FGF12: variants seen among roughly 807,000 people sequenced by gnomAD.
FGF12 encodes fibroblast growth factor 12.
FGF12 carries 14 observed loss-of-function variants against 23.6 expected under a neutral mutation model. That is an observed-to-expected ratio of 0.59 (90% confidence interval 0.39 to 0.93). The LOEUF is 0.93. Ranked by LOEUF, FGF12 falls within the 40% of genes least tolerant of loss-of-function variation. The probability of loss-of-function intolerance (pLI) is 0.00; values close to 1 mark genes in which losing one functional copy is unlikely to be tolerated. For synonymous variants in FGF12, 62 were observed against 77.3 expected, an observed-to-expected ratio of 0.80 and a Z score of 1.04; for missense variants, 175 against 217.8, an observed-to-expected ratio of 0.80 and a Z score of 1.24.
chr3:192,237,752 G>T (rs1719379527), intron 4 of FGF12, among the ~76,000 whole-genome samples: 1 of 152,132 alleles, frequency 6.6e-6, no homozygotes, highest in Non-Finnish European at 1.5e-5. Context: ...CCGTGTTCTT[G>T]GGATTGGGTT....
At chr3:192,445,347 C>A (rs998134085) in intron 2 of FGF12, among the ~76,000 whole-genome samples, 4 of 152,168 alleles carry the variant, frequency 2.6e-5, no homozygotes, top group African/African-American at 4.8e-5. Context: ...GCACACTGTG[C>A]GCTCCAGTTA....
chr3:192,667,607 TAAAAAAAAAAA>T (rs59867848), intron 2 of FGF12, among the ~76,000 whole-genome samples: 1 of 76,184 alleles, frequency 1.3e-5, no homozygotes, highest in South Asian at 5.6e-4. Flanking sequence ...CGAGACTCCG[TAAAAAAAAAAA>T]AAAAAAAAAA....
rs577731535 is a variant in FGF12 at position 192,291,582 on chromosome 3, T to TA, written c.228+43778dup. 2.2e-3 allele frequency among the ~76,000 whole-genome samples: 336 copies of TA among 150,018 alleles called. 1 individual carries two copies. Among genetic ancestry groups the TA allele is most frequent in the Middle Eastern group, 6.8e-3 (2 of 294 alleles). On this transcript the variant is annotated intron_variant, in intron 4 of 5. Transcript: ENST00000445105. The stretch of plus-strand genomic sequence containing the variant: ...AGGGCAAAAGAACAAAACCCTGTCT[T>TA]AAAAAAAAGAAAAAAAAAAATTACC...
chr3:192,689,641 G>T (rs1717880119), intron 2 of FGF12, among the ~76,000 whole-genome samples: 1 of 151,768 alleles, frequency 6.6e-6, no homozygotes, highest in Admixed American at 6.6e-5. Context: ...AAGAAAAAAA[G>T]GAATGAAAAT....
At chr3:192,470,685 G>A (rs57362523) in intron 2 of FGF12, among the ~76,000 whole-genome samples, 12,471 of 152,140 alleles carry the variant, frequency 0.082, 1,658 homozygotes, top group African/African-American at 0.28. Flanking sequence ...CCCCACACCC[G>A]GCCTAGTAAC....
chr3:192,698,025 C>T (rs1416762457), intron 2 of FGF12, among the ~76,000 whole-genome samples: 2 of 151,894 alleles, frequency 1.3e-5, no homozygotes, highest in Non-Finnish European at 2.9e-5. Flanking sequence ...CAACATCTGA[C>T]ATAAAATGTT....
At chr3:192,644,867 G>A (rs9876194) in intron 2 of FGF12, among the ~76,000 whole-genome samples, 81,840 of 151,994 alleles carry the variant, frequency 0.54, 22,455 homozygotes, top group East Asian at 0.67. Flanking sequence ...TACAGGTGTC[G>A]TTGAGCATGG....
rs113724733 is a variant in FGF12 at position 192,260,374 on chromosome 3, C to T, written c.228+74987G>A. ...TCCCACCAAATTTTTACTGTGCCAA[C>T]TAATAGTGTTTATTCAGTGGCTAAG... On this transcript the variant is annotated intron_variant, in intron 4 of 5. Transcript: ENST00000445105. 8.7e-3 allele frequency among the ~76,000 whole-genome samples: 1,327 copies of T among 152,264 alleles called. 8 individuals are homozygous for T. The highest frequency in any genetic ancestry group is 0.014 in the Non-Finnish European group (931 of 68,018).
At chr3:192,181,705 G>A (rs1354503997) in intron 4 of FGF12, among the ~76,000 whole-genome samples, 14 of 144,190 alleles carry the variant, frequency 9.7e-5, no homozygotes, top group Admixed American at 3.6e-4. Flanking sequence ...ATCACTGTTC[G>A]CTGCAACCTC....
intron 2 of FGF12, among the ~76,000 whole-genome samples, chr3:192,651,570 T>C (rs1406607248): frequency 1.3e-5 from 2 of 152,202 alleles, no homozygotes; most frequent in Non-Finnish European, 2.9e-5. Context: ...GCTTTTCTTA[T>C]ATGCAACACA....
At chr3:192,521,205 T>C (rs995926943) in intron 2 of FGF12, 2 of 152,226 alleles carry the variant, frequency 1.3e-5, no homozygotes, top group African/African-American at 2.4e-5. Context: ...GTGATTGTAA[T>C]GTTTTAATTT....
chr3:192,711,053 C>A (rs1357212951), intron 2 of FGF12, among the ~76,000 whole-genome samples: 1 of 152,198 alleles, frequency 6.6e-6, no homozygotes, highest in Non-Finnish European at 1.5e-5. Context: ...CACAGAGCTT[C>A]CAGTCACCTT....
chr3:192,217,886 G>C (rs1261647934), intron 4 of FGF12, among the ~76,000 whole-genome samples: 1 of 151,518 alleles, frequency 6.6e-6, no homozygotes, highest in Non-Finnish European at 1.5e-5. Context: ...GCCAAGACTG[G>C]AGTGCAATGG....
At chr3:192,416,785 C>T (rs541296933) in intron 2 of FGF12, among the ~76,000 whole-genome samples, 183 of 152,188 alleles carry the variant, frequency 1.2e-3, no homozygotes, top group African/African-American at 4.3e-3. Flanking sequence ...ACTAATCCAA[C>T]CTGCAACATG....
chr3:192,336,065 T>C lies in FGF12; in HGVS notation c.125-601A>G, dbSNP rs1210531324. ...AACAGATGGACAGATGATTGATAGA[T>C]AGCTTAAGCTGTAATGGATATATTT... is the stretch of plus-strand genomic sequence containing the variant. On this transcript the variant is annotated intron_variant, in intron 3 of 5. Transcript: ENST00000445105. This position sits in a 1 kb window ranked among gnomAD's most constrained non-coding sequence, Gnocchi z 4.3. Among the ~76,000 whole-genome samples, 1 of 151,272 alleles carries C rather than the reference T, an allele frequency of 6.6e-6. No homozygotes were observed.
At chr3:192,169,969 C>T (rs879712541) in intron 5 of FGF12, among the ~76,000 whole-genome samples, 26 of 148,228 alleles carry the variant, frequency 1.8e-4, no homozygotes, top group Non-Finnish European at 3.4e-4. Flanking sequence ...ATAAAAGTAT[C>T]ATTTGTTTTT....
intron 4 of FGF12, among the ~76,000 whole-genome samples, chr3:192,224,699 C>G (rs1345989218): frequency 6.6e-6 from 1 of 151,838 alleles, no homozygotes; most frequent in Non-Finnish European, 1.5e-5. Flanking sequence ...ATAGTCCTAC[C>G]TCAGAAAATT....
chr3:192,405,075 G>T (rs1182890379), intron 2 of FGF12, among the ~76,000 whole-genome samples: 2 of 145,598 alleles, frequency 1.4e-5, no homozygotes, highest in African/African-American at 5.7e-5. Context: ...ACAAAACCTA[G>T]TTGTGTAACC....
intron 2 of FGF12, among the ~76,000 whole-genome samples, chr3:192,438,830 T>A (rs1199140535): frequency 6.6e-6 from 1 of 152,212 alleles, no homozygotes; most frequent in Non-Finnish European, 1.5e-5. Flanking sequence ...TCAGGCTCTC[T>A]GGCTTTACAA....
Sources: gnomAD v4.1 joint callset for allele counts (sites outside exome capture counted in the v4.1 genomes callset) on GRCh38, gnomAD v4.1.1 for gene constraint, Gnocchi (gnomAD v3.1) non-coding constraint, MANE v1.5 for transcripts, NCBI Gene and HGNC (gene_info 2026-07-23, HGNC 2026-07-21) for gene names.